TRDN: variants seen among roughly 807,000 people sequenced by gnomAD.
TRDN encodes the protein triadin in skeletal muscle.
A neutral mutation model predicts 149.7 loss-of-function variants in TRDN; 161 were observed. The ratio of observed to expected loss-of-function variants is 1.08; its 90% CI spans 0.95 to 1.23. TRDN has a LOEUF of 1.23. Among genes scored for constraint, TRDN ranks in the 50% most tolerant of loss-of-function variants. The probability of loss-of-function intolerance (pLI) is 0.00; values close to 1 mark genes in which losing one functional copy is unlikely to be tolerated. For synonymous variants in TRDN, 294 were observed against 250.5 expected, an observed-to-expected ratio of 1.17 and a Z score of -1.64; for missense variants, 896 against 823.5, an observed-to-expected ratio of 1.09 and a Z score of -1.08.
At chr6:123,544,990 C>A in intron 4 of TRDN, among the ~76,000 whole-genome samples, 1 of 151,970 alleles carries the variant, frequency 6.6e-6, no homozygotes, top group East Asian at 1.9e-4. Flanking sequence ...AACAAACTGG[C>A]TGAATTTTTA....
intron 20 of TRDN, among the ~76,000 whole-genome samples, chr6:123,365,778 T>G (rs1021746084): frequency 2.6e-5 from 4 of 152,210 alleles, no homozygotes; most frequent in Admixed American, 2.0e-4. Flanking sequence ...GTGAGTACTT[T>G]TAGTTAAAGT....
intron 12 of TRDN, among the ~76,000 whole-genome samples, chr6:123,394,465 A>G (rs1309986432): frequency 6.6e-6 from 1 of 152,144 alleles, no homozygotes; most frequent in East Asian, 1.9e-4. Context: ...ATTATTTAAT[A>G]ATGGAAAGTA....
At chr6:123,636,129 A>G (rs567549742) in intron 1 of TRDN, among the ~76,000 whole-genome samples, 1 of 152,104 alleles carries the variant, frequency 6.6e-6, no homozygotes, top group African/African-American at 2.4e-5. Flanking sequence ...GATTCACAGT[A>G]AGTTTGTGGA....
chr6:123,607,630 C>A (rs1027262704), intron 1 of TRDN, among the ~76,000 whole-genome samples: 2 of 152,090 alleles, frequency 1.3e-5, no homozygotes, highest in African/African-American at 4.8e-5. Flanking sequence ...TGTTTTTAAT[C>A]GTCAGATGCT....
At chr6:123,626,166 ACT>A (rs1335655346) in intron 1 of TRDN, among the ~76,000 whole-genome samples, 53 of 151,852 alleles carry the variant, frequency 3.5e-4, no homozygotes, top group African/African-American at 1.3e-3. Context: ...TCAAGAAACC[ACT>A]CTCTTTGCTC....
intron 2 of TRDN, among the ~76,000 whole-genome samples, chr6:123,570,342 T>A (rs1034925725): frequency 6.6e-6 from 1 of 152,114 alleles, no homozygotes; most frequent in Non-Finnish European, 1.5e-5. Context: ...ATAAATACAG[T>A]TTAAAATATG....
At chr6:123,332,539 A>C (rs1267478541) in intron 22 of TRDN, among the ~76,000 whole-genome samples, 2 of 152,092 alleles carry the variant, frequency 1.3e-5, no homozygotes, top group African/African-American at 2.4e-5. Context: ...ACACATCTTC[A>C]GTGTAATTCA....
chr6:123,378,433 CCAT>C (rs961076497), intron 16 of TRDN, among the ~76,000 whole-genome samples: 1 of 149,510 alleles, frequency 6.7e-6, no homozygotes. Flanking sequence ...GCACACACCA[CCAT>C]GTGTAGCCAG....
chr6:123,477,117 A>T lies in TRDN; in HGVS notation c.854-12134T>A, dbSNP rs199738721. On this transcript the variant is annotated intron_variant, in intron 9 of 40. Coordinates refer to ENST00000334268, the MANE Select transcript of TRDN (RefSeq NM_006073.4). ...GCAAAAGAAACTACCATCAGAGTGA[A>T]CAGGCAACTACAAAATGGGAGAAAA... Among the ~76,000 whole-genome samples the T allele has an allele frequency of 3.4e-3, 474 of 140,268 alleles. 19 individuals carry two copies. In the East Asian group the frequency reaches 0.088, roughly 26 times the overall value. 92.0% of individuals were successfully genotyped at this position (140,268 alleles called of 152,430 possible).
At chr6:123,309,928 A>G (rs1265998099) in intron 24 of TRDN, among the ~76,000 whole-genome samples, 3 of 152,054 alleles carry the variant, frequency 2.0e-5, no homozygotes, top group Non-Finnish European at 1.5e-5. Context: ...TGCCATGCAC[A>G]GTCAAGAGAA....
intron 2 of TRDN, among the ~76,000 whole-genome samples, chr6:123,553,105 A>G (rs1210010512): frequency 6.6e-6 from 1 of 152,182 alleles, no homozygotes; most frequent in Non-Finnish European, 1.5e-5. Context: ...ATCAACGTGA[A>G]GAAATAAGCA....
In TRDN at chr6:123,572,045, T is replaced by A. The variant is rs114933866; in HGVS notation, c.23-913A>T. ...ATAGCTTTGAGAATACATGCACGTA[T>A]TTGAAAGTTAGTATCTTTTAAAAAT... On this transcript the variant is annotated intron_variant, in intron 1 of 40. Transcript: ENST00000334268. Among the ~76,000 whole-genome samples, 614 of 152,226 alleles carry A rather than the reference T, an allele frequency of 4.0e-3. 2 individuals are homozygous for A. The highest frequency in any genetic ancestry group is 0.013 in the African/African-American group (557 of 41,552).
At position 123,219,146 on chromosome 6, in the gene TRDN, T is replaced by C. The variant is rs570231401; in HGVS notation, c.2051-406A>G. Among the ~76,000 whole-genome samples, 3 of 151,840 alleles carry C rather than the reference T, an allele frequency of 2.0e-5. No homozygotes were observed. In the South Asian group the frequency reaches 6.2e-4, roughly 31 times the overall value. ...TATCAATATGCAAAGCAACAGACTG[T>C]GTGTGTGTGTTTTATAATGTCACAG... On this transcript the variant is annotated intron_variant, in intron 40 of 40. Coordinates refer to ENST00000334268, the MANE Select transcript of TRDN (RefSeq NM_006073.4).
At chr6:123,351,719 C>A (rs1440009161) in intron 21 of TRDN, 48 of 927,204 alleles carry the variant, frequency 5.2e-5, no homozygotes, top group Non-Finnish European at 6.2e-5. Flanking sequence ...CATTTAATTG[C>A]ATCTCAAATT....
intron 12 of TRDN, among the ~76,000 whole-genome samples, chr6:123,406,220 A>G (rs551738058): frequency 1.1e-4 from 17 of 152,350 alleles, no homozygotes; most frequent in Admixed American, 9.8e-4. Context: ...CAACAAAAAT[A>G]AATTTCACAA....
intron 14 of TRDN, 86 bp downstream of exon 14, chr6:123,388,436 T>C (rs1216840897): frequency 2.1e-6 from 3 of 1,429,138 alleles, no homozygotes; most frequent in African/African-American, 1.4e-5. Context: ...AAGGGGAATA[T>C]AGACAGAATA....
intron 4 of TRDN, among the ~76,000 whole-genome samples, chr6:123,532,271 AT>A (rs144620575): frequency 0.14 from 20,908 of 152,100 alleles, 1,577 homozygotes; most frequent in Non-Finnish European, 0.16. Flanking sequence ...TTTTGGTCAT[AT>A]TGGGTGTGAT....
chr6:123,333,412 T>G (rs1270823291), intron 22 of TRDN, among the ~76,000 whole-genome samples: 1 of 152,090 alleles, frequency 6.6e-6, no homozygotes, highest in Non-Finnish European at 1.5e-5. Flanking sequence ...AGATACACTT[T>G]TATAGGACAT....
In TRDN at chr6:123,274,740, A is replaced by C. The variant is rs1777314972; in HGVS notation, c.1568-70T>G. On this transcript the variant is annotated intron_variant, in intron 26 of 40. Coordinates refer to ENST00000334268, the MANE Select transcript of TRDN (RefSeq NM_006073.4). ...ACTAGAATGAAAATTAATTTTTAGA[A>C]ATAATTTTATTTGGTTATCATAATT... 2.8e-6 allele frequency: 4 copies of C among 1,412,740 alleles called. No individual in the cohort carries two copies. The South Asian group carries it at 5.0e-5, about 18-fold the overall frequency. 87.5% of individuals were successfully genotyped at this position (1,412,740 alleles called of 1,614,324 possible).
Sources: allele counts gnomAD v4.1 joint callset (sites outside exome capture counted in the v4.1 genomes callset), GRCh38; gene constraint gnomAD v4.1.1; transcripts MANE v1.5; gene names NCBI Gene and HGNC (gene_info 2026-07-23, HGNC 2026-07-21).